THSD4: variants seen among roughly 807,000 people sequenced by gnomAD.
THSD4 encodes thrombospondin type-1 domain-containing protein 4.
Under a neutral mutation model 119.0 loss-of-function variants are expected in THSD4, and 69 were observed. The ratio of observed to expected loss-of-function variants is 0.58; its 90% CI spans 0.48 to 0.71. The LOEUF (loss-of-function observed/expected upper bound fraction) is 0.71. THSD4 is among the 30% of genes least tolerant of loss of function. The pLI, the probability that THSD4 is intolerant of heterozygous loss-of-function variation, is 0.00. For synonymous variants in THSD4, 524 were observed against 540.4 expected (o/e 0.97, Z 0.42); for missense variants, 1,393 against 1,391.1 (o/e 1.00, Z -0.02).
At chr15:71,621,720 G>A (rs1291039620) in intron 7 of THSD4, among the ~76,000 whole-genome samples, 2 of 152,130 alleles carry the variant, frequency 1.3e-5, no homozygotes, top group East Asian at 1.9e-4. Context: ...TTAGATTCTT[G>A]TAGAAGTTCA....
intron 3 of THSD4, among the ~76,000 whole-genome samples, chr15:71,172,694 T>C (rs1479828599): frequency 7.6e-4 from 64 of 84,674 alleles, no homozygotes; most frequent in East Asian, 4.8e-3. Flanking sequence ...TATATATATA[T>C]ATATATATAT....
At chr15:71,683,562 G>A (rs1198875910) in intron 8 of THSD4, among the ~76,000 whole-genome samples, 1 of 152,156 alleles carries the variant, frequency 6.6e-6, no homozygotes, top group Non-Finnish European at 1.5e-5. Context: ...GGAAGAGCAG[G>A]CTGCTATTTG....
intron 7 of THSD4, among the ~76,000 whole-genome samples, chr15:71,608,249 T>TATATATATACACAC (rs772729777): frequency 2.8e-5 from 3 of 106,238 alleles, no homozygotes; most frequent in Non-Finnish European, 5.4e-5. Context: ...TATATATATA[T>TATATATATACACAC]ACACACACAC....
intron 7 of THSD4, among the ~76,000 whole-genome samples, chr15:71,465,829 A>G (rs1259541295): frequency 2.0e-5 from 3 of 152,220 alleles, no homozygotes; most frequent in African/African-American, 7.2e-5. Context: ...GTTTTAAAGT[A>G]GTGGCAAATA....
At chr15:71,348,283 T>A (rs529589285) in intron 6 of THSD4, 1 of 152,216 alleles carries the variant, frequency 6.6e-6, no homozygotes, top group Non-Finnish European at 1.5e-5. Context: ...AAACTGTTGT[T>A]AGAATGCAGG....
chr15:71,425,558 T>A (rs1303709140), intron 7 of THSD4, among the ~76,000 whole-genome samples: 1 of 152,158 alleles, frequency 6.6e-6, no homozygotes, highest in African/African-American at 2.4e-5. Context: ...GCCTCCTGGC[T>A]GCCAGTGCCA....
intron 7 of THSD4, among the ~76,000 whole-genome samples, chr15:71,584,219 C>T (rs981398174): frequency 7.1e-6 from 1 of 140,618 alleles, no homozygotes; most frequent in Non-Finnish European, 1.6e-5. Context: ...GTCACCTCTA[C>T]TCTTTTTTGG....
intron 7 of THSD4, among the ~76,000 whole-genome samples, chr15:71,474,378 C>A (rs1411420939): frequency 3.3e-5 from 5 of 152,024 alleles, no homozygotes; most frequent in Admixed American, 3.3e-4. Flanking sequence ...TGCCCCTGTG[C>A]CTGGCTAATT....
chr15:71,284,336 CCT>C (rs943592542), intron 6 of THSD4, among the ~76,000 whole-genome samples: 1 of 152,114 alleles, frequency 6.6e-6, no homozygotes, highest in Non-Finnish European at 1.5e-5. Flanking sequence ...GTCCAGGCAG[CCT>C]CTCTCTCTTT....
intron 3 of THSD4, among the ~76,000 whole-genome samples, chr15:71,176,036 C>T (rs1246206398): frequency 9.3e-6 from 1 of 107,636 alleles, no homozygotes; most frequent in African/African-American, 3.6e-5. Context: ...CAAAATCATG[C>T]CAAAATGTAA....
At chr15:71,233,867 T>A (rs941054173) in intron 4 of THSD4, among the ~76,000 whole-genome samples, 11 of 152,094 alleles carry the variant, frequency 7.2e-5, no homozygotes, top group African/African-American at 2.7e-4. Context: ...CAATTCAGGG[T>A]TTATGTTCAG....
At chr15:71,482,223 A>T (rs2047740649) in intron 7 of THSD4, among the ~76,000 whole-genome samples, 1 of 152,040 alleles carries the variant, frequency 6.6e-6, no homozygotes, top group Admixed American at 6.6e-5. Flanking sequence ...TGGTCTCAAG[A>T]GGGCTCCTGT....
chr15:71,714,616 G>C (rs916191543), intron 8 of THSD4, among the ~76,000 whole-genome samples: 4 of 105,328 alleles, frequency 3.8e-5, no homozygotes, highest in Non-Finnish European at 7.1e-5. Flanking sequence ...GAGGCCGAGT[G>C]GGGGTGGATC....
rs1379506089 is a variant in THSD4, at chr15:71,532,283, A to AGAGAGAGAGAGAGTGT, written c.1152+120461_1152+120462insAGAGAGAGAGAGTGTG. ...AAGGGTGAGAGAGAGAGAGAGAGAG[A>AGAGAGAGAGAGAGTGT]GTGTGTGTGTGTGTGTGTGTGTGTG... On this transcript the variant is annotated intron_variant, in intron 7 of 17. Coordinates refer to ENST00000261862, the MANE Select transcript of THSD4 (RefSeq NM_024817.3). Among the ~76,000 whole-genome samples, 199 of 101,626 alleles carry AGAGAGAGAGAGAGTGT rather than the reference A, an allele frequency of 2.0e-3. 3 individuals are homozygous for AGAGAGAGAGAGAGTGT. The highest frequency in any genetic ancestry group is 3.1e-3 in the Admixed American group (28 of 9,124). The allele number at this position is 101,626 out of a possible 152,430, so 66.7% of individuals were successfully genotyped here.
chr15:71,402,355 A>G (rs2046548127), intron 6 of THSD4, among the ~76,000 whole-genome samples: 2 of 152,134 alleles, frequency 1.3e-5, no homozygotes, highest in South Asian at 4.1e-4. Context: ...TAGATTAATA[A>G]CCATTGCTTA....
chr15:71,137,963 C>T (rs2040566503), intron 1 of THSD4, among the ~76,000 whole-genome samples: 1 of 152,174 alleles, frequency 6.6e-6, no homozygotes, highest in South Asian at 2.1e-4. Context: ...CGGTTGACAT[C>T]TTATCAGATC....
chr15:71,581,836 G>C (rs1366689410), intron 7 of THSD4, among the ~76,000 whole-genome samples: 1 of 152,058 alleles, frequency 6.6e-6, no homozygotes. Context: ...AAACGTGTGG[G>C]TTTATTTCTG....
intron 4 of THSD4, 112 bp downstream of exon 4, chr15:71,215,511 T>C: frequency 8.8e-7 from 1 of 1,131,418 alleles, no homozygotes; most frequent in Non-Finnish European, 1.2e-6. Context: ...GACTAATGCA[T>C]TGCTCTGCCA....
At chr15:71,460,002 C>T (rs1192846573) in intron 7 of THSD4, among the ~76,000 whole-genome samples, 1 of 152,212 alleles carries the variant, frequency 6.6e-6, no homozygotes, top group African/African-American at 2.4e-5. Flanking sequence ...ACCTCTGGGC[C>T]TGTCTCTGAT....
Sources: allele counts gnomAD v4.1 joint callset (sites outside exome capture counted in the v4.1 genomes callset), GRCh38; gene constraint gnomAD v4.1.1; transcripts MANE v1.5; gene names NCBI Gene and HGNC (gene_info 2026-07-23, HGNC 2026-07-21).